The following SHISA9 variants were observed in gnomAD, a reference collection of about 807,000 sequenced individuals.
SHISA9 encodes shisa family member 9, also known as protein shisa-9.
Under a neutral mutation model 38.0 loss-of-function variants are expected in SHISA9, and 13 were observed. That is an observed-to-expected ratio of 0.34 (90% CI 0.22 to 0.54). SHISA9 has a LOEUF of 0.54. SHISA9 is among the 20% of genes least tolerant of loss of function. The pLI is 0.91. For synonymous variants in SHISA9, 275 were observed against 242.0 expected (o/e 1.14, Z -1.27); for missense variants, 538 against 575.8 (o/e 0.93, Z 0.67).
At chr16:13,390,934 C>T in the SHISA9 span, among the ~76,000 whole-genome samples, 9 of 152,150 alleles carry the variant, frequency 5.9e-5, no homozygotes, top group South Asian at 2.1e-4. Flanking sequence ...TCTTGATTTT[C>T]GTAACACTTT....
chr16:12,953,671 T>C (rs1003963998), intron 2 of SHISA9, among the ~76,000 whole-genome samples: 1 of 152,080 alleles, frequency 6.6e-6, no homozygotes, highest in African/African-American at 2.4e-5. Flanking sequence ...AGATAAGATA[T>C]TGTGTCAGTC....
chr16:13,046,274 A>C (rs1440715444), intron 2 of SHISA9, among the ~76,000 whole-genome samples: 1 of 152,186 alleles, frequency 6.6e-6, no homozygotes, highest in Non-Finnish European at 1.5e-5. Flanking sequence ...TTCTGAACCT[A>C]AATTTAGGTC....
intron 4 of SHISA9, among the ~76,000 whole-genome samples, chr16:13,228,831 T>G (rs577742177): frequency 1.3e-5 from 2 of 152,198 alleles, no homozygotes; most frequent in Non-Finnish European, 2.9e-5. Context: ...TTATTTTTCC[T>G]GATCCTCTCC....
chr16:13,000,495 C>A (rs2072510121), intron 2 of SHISA9, among the ~76,000 whole-genome samples: 1 of 152,170 alleles, frequency 6.6e-6, no homozygotes, highest in Non-Finnish European at 1.5e-5. Flanking sequence ...ATCTTCATGT[C>A]AGTTGGTCAC....
intron 3 of SHISA9, among the ~76,000 whole-genome samples, chr16:13,206,696 T>C (rs906975292): frequency 3.3e-5 from 5 of 152,226 alleles, no homozygotes; most frequent in African/African-American, 1.2e-4. Context: ...ACACAGGCTT[T>C]TCTAAATCTG....
chr16:13,150,509 C>G (rs1195489092), intron 2 of SHISA9, among the ~76,000 whole-genome samples: 9 of 152,216 alleles, frequency 5.9e-5, no homozygotes, highest in African/African-American at 2.2e-4. Context: ...GGGCTCACAA[C>G]AAACTCCAAG....
chr16:13,218,775 A>G (rs2051194941), intron 4 of SHISA9, among the ~76,000 whole-genome samples: 1 of 152,202 alleles, frequency 6.6e-6, no homozygotes, highest in Non-Finnish European at 1.5e-5. Context: ...AAATTGACTT[A>G]GCCCAATGAG....
chr16:13,340,863 C>T, the SHISA9 span, among the ~76,000 whole-genome samples: 1 of 152,004 alleles, frequency 6.6e-6, no homozygotes, highest in African/African-American at 2.4e-5. Context: ...AACACAAGCC[C>T]ACTCTCCACT....
At chr16:13,427,310 G>A in the SHISA9 span, among the ~76,000 whole-genome samples, 5 of 152,306 alleles carry the variant, frequency 3.3e-5, no homozygotes, top group South Asian at 2.1e-4. Flanking sequence ...AAGCTAAGGC[G>A]CTTATCCAAG....
intron 2 of SHISA9, among the ~76,000 whole-genome samples, chr16:13,097,593 G>C (rs1475147016): frequency 6.6e-6 from 1 of 152,048 alleles, no homozygotes; most frequent in Non-Finnish European, 1.5e-5. Flanking sequence ...TTTTAGAGAT[G>C]GGGTCTTACT....
the SHISA9 span, among the ~76,000 whole-genome samples, chr16:13,407,276 T>C: frequency 6.6e-6 from 1 of 152,012 alleles, no homozygotes; most frequent in Non-Finnish European, 1.5e-5. Flanking sequence ...GTAGATGGCT[T>C]CCCTCTGGCT....
At chr16:13,025,496 A>G (rs534550623) in intron 2 of SHISA9, among the ~76,000 whole-genome samples, 6 of 152,320 alleles carry the variant, frequency 3.9e-5, no homozygotes, top group African/African-American at 1.4e-4. Context: ...GAAAATAGCG[A>G]TGCCTCTGTC....
intron 2 of SHISA9, among the ~76,000 whole-genome samples, chr16:12,973,892 G>T (rs78083922): frequency 6.6e-6 from 1 of 152,232 alleles, no homozygotes; most frequent in Non-Finnish European, 1.5e-5. Context: ...TTATCTGGAG[G>T]GGATTAGTAA....
At chr16:13,248,321 C>T in the SHISA9 span, among the ~76,000 whole-genome samples, 1 of 152,142 alleles carries the variant, frequency 6.6e-6, no homozygotes, top group African/African-American at 2.4e-5. Flanking sequence ...TGGTGCCGGG[C>T]CTTGAGGGTG....
the SHISA9 span, among the ~76,000 whole-genome samples, chr16:13,364,245 A>C: frequency 6.6e-6 from 1 of 152,200 alleles, no homozygotes; most frequent in African/African-American, 2.4e-5. Flanking sequence ...CCTTACTGAA[A>C]ACATGAAATA....
the SHISA9 span, among the ~76,000 whole-genome samples, chr16:13,273,781 G>C: frequency 1.3e-5 from 2 of 152,122 alleles, no homozygotes; most frequent in African/African-American, 4.8e-5. Context: ...ACATAGGGCA[G>C]GGTTTCAGTG....
intron 2 of SHISA9, among the ~76,000 whole-genome samples, chr16:13,125,966 G>C (rs1381810206): frequency 6.6e-6 from 1 of 152,196 alleles, no homozygotes; most frequent in Non-Finnish European, 1.5e-5. Flanking sequence ...GAAGCAACCT[G>C]TTTTCTTTTT....
chr16:13,117,513 G>A lies in SHISA9; in HGVS notation c.692-85881G>A, dbSNP rs186925155. Reference sequence around the variant, plus strand: ...AAGCATCTGCAGGTAAGGAGTTCAAGTTCATTCCAGATTATCTGCCTAGGC... The same window carrying A: ...AAGCATCTGCAGGTAAGGAGTTCAAATTCATTCCAGATTATCTGCCTAGGC... On this transcript the variant is annotated intron_variant, in intron 2 of 4. Transcript: ENST00000558583. Among the ~76,000 whole-genome samples, 395 of 152,316 alleles carry A rather than the reference G, an allele frequency of 2.6e-3. 1 individual carries two copies. Among genetic ancestry groups the A allele is most frequent in the South Asian group, 4.6e-3 (22 of 4,826 alleles).
intron 2 of SHISA9, among the ~76,000 whole-genome samples, chr16:13,020,844 T>A (rs865918764): frequency 1.2e-4 from 18 of 152,216 alleles, no homozygotes; most frequent in African/African-American, 3.6e-4. Context: ...GGGTGTAAAT[T>A]GGATAACCAG....
Sources: gnomAD v4.1 joint callset for allele counts (sites outside exome capture counted in the v4.1 genomes callset) on GRCh38, gnomAD v4.1.1 for gene constraint, MANE v1.5 for transcripts, NCBI Gene and HGNC (gene_info 2026-07-23, HGNC 2026-07-21) for gene names.